AFG3L2: variants seen among roughly 807,000 people sequenced by gnomAD.
The protein encoded by AFG3L2 is AFG3 like matrix AAA peptidase subunit 2.
A neutral mutation model predicts 94.5 loss-of-function variants in AFG3L2; 54 were observed. The ratio of observed to expected loss-of-function variants is 0.57; its 90% CI spans 0.46 to 0.72. The LOEUF (loss-of-function observed/expected upper bound fraction) is 0.72. AFG3L2 is among the 30% of genes least tolerant of loss of function. The pLI is 0.00. For missense variants in AFG3L2, 754 were observed against 994.9 expected, an observed-to-expected ratio of 0.76 and a Z score of 3.26; for synonymous variants, 377 against 365.5, an observed-to-expected ratio of 1.03 and a Z score of -0.36.
intron 9 of AFG3L2, 132 bp downstream of exon 9, chr18:12,356,562 A>G: frequency 5.4e-6 from 7 of 1,296,364 alleles, no homozygotes; most frequent in Non-Finnish European, 7.8e-6. Flanking sequence ...CCTGGAGGAG[A>G]GCTCAGGCCA....
At chr18:12,332,024 G>A (rs1907548848) in intron 16 of AFG3L2, among the ~76,000 whole-genome samples, 1 of 151,916 alleles carries the variant, frequency 6.6e-6, no homozygotes, top group African/African-American at 2.4e-5. Flanking sequence ...ATGGAAGTGT[G>A]ACGGTATCAT....
intron 14 of AFG3L2, 80 bp downstream of exon 14, chr18:12,344,052 T>A (rs769160815): frequency 3.2e-6 from 4 of 1,234,998 alleles, no homozygotes; most frequent in Non-Finnish European, 4.8e-6. Context: ...TTTGCAGGAG[T>A]GTAGCTTGCT....
chr18:12,347,599 G>A (rs1299781398), intron 13 of AFG3L2, among the ~76,000 whole-genome samples: 1 of 151,396 alleles, frequency 6.6e-6, no homozygotes, highest in African/African-American at 2.4e-5. Context: ...TGCCCAGGCT[G>A]GAATGCAGTG....
In AFG3L2 at chr18:12,337,380, T is replaced by C. The variant is rs761522777; in HGVS notation, c.2136A>G (p.Thr712=). The C allele has an allele frequency of 5.0e-6, 8 of 1,614,102 alleles. No individual in the cohort carries two copies. The highest frequency in any genetic ancestry group is 6.8e-6 in the Non-Finnish European group (8 of 1,180,024). The part of the protein sequence containing the change: ...RILINDAYKR[T]VALLTEKKAD... ...CTTTCTTTTCTGTGAGAAGAGCTAC[T>C]GTTCTTTTATAAGCATCATTAATAA... Residue 712 remains threonine (T), a synonymous_variant, in exon 16 of 17, where the codon ACA becomes ACG. Coordinates refer to ENST00000269143, the MANE Select transcript of AFG3L2 (RefSeq NM_006796.3).
At chr18:12,347,972 G>C (rs1404926861) in intron 13 of AFG3L2, among the ~76,000 whole-genome samples, 2 of 152,188 alleles carry the variant, frequency 1.3e-5, no homozygotes, top group Non-Finnish European at 2.9e-5. Context: ...TAGTTCATGG[G>C]TAGACACCTC....
Position 12,329,402 on chromosome 18 carries a change from C to G in AFG3L2, c.*163G>C. 1 of 778,792 alleles carries G rather than the reference C, an allele frequency of 1.3e-6. No individual in the cohort carries two copies. Among genetic ancestry groups the G allele is most frequent in the Non-Finnish European group, 2.2e-6 (1 of 454,054 alleles). 48.2% of individuals were successfully genotyped at this position (778,792 alleles called of 1,614,324 possible). On this transcript the variant is annotated 3_prime_UTR_variant, in exon 17 of 17. Transcript: ENST00000269143. ...AAAGTCACCTGCCACCCACTGTGAC[C>G]TCTGAGGCTGAAAGGACTAAGGACT...
intron 9 of AFG3L2, among the ~76,000 whole-genome samples, chr18:12,355,438 G>A (rs186874861): frequency 6.6e-4 from 100 of 152,288 alleles, no homozygotes; most frequent in Non-Finnish European, 1.1e-3. Flanking sequence ...GTTGGTAAGG[G>A]CGGGGAAACA....
At chr18:12,370,054 CAAAAA>C (rs796293157) in intron 3 of AFG3L2, among the ~76,000 whole-genome samples, 2 of 36,004 alleles carry the variant, frequency 5.6e-5, no homozygotes, top group South Asian at 1.3e-3. Context: ...GACTCTGTCT[CAAAAA>C]AAAAAAAAAA....
intron 16 of AFG3L2, 154 bp downstream of exon 16, chr18:12,337,187 C>A: frequency 2.8e-6 from 2 of 724,410 alleles, no homozygotes; most frequent in Non-Finnish European, 4.9e-6. Context: ...CGCTTGAAGA[C>A]AGAGCAGACA....
chr18:12,375,897 G>A (rs1016580465), intron 1 of AFG3L2, among the ~76,000 whole-genome samples: 1 of 152,172 alleles, frequency 6.6e-6, no homozygotes, highest in African/African-American at 2.4e-5. Flanking sequence ...GCTGAGGCGG[G>A]AGGATCGCTT....
rs538927944 is a variant in AFG3L2 at position 12,351,325 on chromosome 18, G to A, written c.1407C>T (p.Phe469=). Residue 469 remains phenylalanine, a synonymous_variant, in exon 11 of 17, where the codon TTC becomes TTT. Coordinates refer to ENST00000269143, the MANE Select transcript of AFG3L2 (RefSeq NM_006796.3). ...LDPALLRPGR[F]DRQIFIGPPD... is the part of the protein sequence containing the mutation. ...TCTCACCAATAAAGATCTGCCTGTC[G>A]AAACGCCCCGGCCTAAGCAGCGCGG... is the stretch of plus-strand genomic sequence containing the variant. 2.8e-5 allele frequency: 45 copies of A among 1,614,112 alleles called. No individual in the cohort carries two copies. The highest frequency in any genetic ancestry group is 3.3e-4 in the Middle Eastern group (2 of 6,062).
intron 9 of AFG3L2, 50 bp downstream of exon 9, chr18:12,356,644 G>A (rs759286278): frequency 2.4e-5 from 39 of 1,613,268 alleles, no homozygotes; most frequent in Non-Finnish European, 3.1e-5. Flanking sequence ...CATCTGTGGT[G>A]AAGTGGTGGG....
Position 12,371,599 on chromosome 18 carries a change from G to A in AFG3L2, c.207C>T (p.Pro69=). 6.2e-7 allele frequency: 1 copy of A among 1,613,490 alleles called. No homozygotes were observed. The highest frequency in any genetic ancestry group is 8.5e-7 in the Non-Finnish European group (1 of 1,179,860). The change falls in exon 2 of 17, where the codon CCC becomes CCT. Residue 69 remains proline (P), a synonymous_variant. Transcript: ENST00000269143. ...CCACACCTAAGCATTTACCTTTTGGGGGTCGAGAACAGAATCTTTGATAAG... is the reference window on the plus strand; with the variant it reads ...CCACACCTAAGCATTTACCTTTTGGAGGTCGAGAACAGAATCTTTGATAAG... ...IAAYQRFCSR[P]PKGFEKYFPN... is the part of the protein sequence containing the mutation.
At position 12,371,698 on chromosome 18, in the gene AFG3L2, C is replaced by T; in HGVS notation, c.115-7G>A. The T allele has an allele frequency of 1.2e-6, 2 of 1,611,610 alleles. No homozygotes were observed. The highest frequency in any genetic ancestry group is 1.7e-6 in the Non-Finnish European group (2 of 1,178,166). On this transcript the variant is annotated splice_region_variant and splice_polypyrimidine_tract_variant and intron_variant, in intron 1 of 16. Transcript: ENST00000269143. Reference sequence around the variant, plus strand: ...TTGTAACAAATCGGTAAAGCTGCAACAAGACATAAAAATAAAACCATAGTT... The same window carrying T: ...TTGTAACAAATCGGTAAAGCTGCAATAAGACATAAAAATAAAACCATAGTT...
At chr18:12,348,201 C>G in intron 13 of AFG3L2, 72 bp downstream of exon 13, 2 of 1,344,122 alleles carry the variant, frequency 1.5e-6, no homozygotes, top group East Asian at 4.7e-5. Flanking sequence ...AGTTCTTGCC[C>G]AAACAGAGAA....
chr18:12,332,971 T>C (rs1183390881), intron 16 of AFG3L2, among the ~76,000 whole-genome samples: 3 of 27,050 alleles, frequency 1.1e-4, no homozygotes, highest in African/African-American at 2.3e-4. Context: ...TAATATATTA[T>C]ATATTATATA....
intron 6 of AFG3L2, among the ~76,000 whole-genome samples, chr18:12,363,354 C>T (rs1045765384): frequency 1.2e-4 from 18 of 152,094 alleles, no homozygotes; most frequent in African/African-American, 4.3e-4. Flanking sequence ...GAAATTAAAA[C>T]AATATAATAT....
At chr18:12,348,121 G>A (rs1031489780) in intron 13 of AFG3L2, 152 bp downstream of exon 13, 4 of 694,114 alleles carry the variant, frequency 5.8e-6, no homozygotes, top group Non-Finnish European at 7.7e-6. Context: ...GGCATGGGAG[G>A]GGCCATGACA....
chr18:12,345,684 A>G (rs905178382), intron 13 of AFG3L2, among the ~76,000 whole-genome samples: 2 of 152,104 alleles, frequency 1.3e-5, no homozygotes, highest in Non-Finnish European at 2.9e-5. Flanking sequence ...GCTGCCTCAG[A>G]GCAAAACCTG....
Sources: gnomAD v4.1 joint callset for allele counts (sites outside exome capture counted in the v4.1 genomes callset) on GRCh38, gnomAD v4.1.1 for gene constraint, MANE v1.5 for transcripts, NCBI Gene and HGNC (gene_info 2026-07-23, HGNC 2026-07-21) for gene names.